Variants in GJA3 observed in about 807,000 individuals in gnomAD.
GJA3 encodes gap junction protein alpha 3.
For missense variants in GJA3, 571 were observed against 620.3 expected (o/e 0.92, Z 0.84); for synonymous variants, 297 against 292.6 (o/e 1.02, Z -0.15).
At chr13:20,152,311 T>G (rs1014412703) in intron 1 of GJA3, among the ~76,000 whole-genome samples, 1 of 222 alleles carries the variant, frequency 4.5e-3, no homozygotes, top group African/African-American at 0.036. Context: ...GTTAAGTCTC[T>G]GGAACGAGTC....
chr13:20,150,713 C>T (rs969756755), intron 1 of GJA3, among the ~76,000 whole-genome samples: 6 of 140,294 alleles, frequency 4.3e-5, no homozygotes, highest in African/African-American at 2.0e-4. Context: ...AGGGCGAAGG[C>T]CCCCTGAGGC....
chr13:20,147,935 C>T (rs1225470003), intron 1 of GJA3, among the ~76,000 whole-genome samples: 4 of 151,960 alleles, frequency 2.6e-5, no homozygotes, highest in Admixed American at 6.6e-5. Context: ...CCGTATCAGG[C>T]GCAGTGTTTG....
intron 1 of GJA3, among the ~76,000 whole-genome samples, chr13:20,150,707 C>T (rs1035495109): frequency 2.0e-5 from 3 of 151,016 alleles, no homozygotes; most frequent in African/African-American, 7.4e-5. Context: ...GGCTGGAGGG[C>T]GAAGGCCCCC....
In GJA3 at chr13:20,139,088, A is replaced by T. The variant is rs930594381; in HGVS notation, c.*2893T>A. 4 of 152,138 alleles carry T rather than the reference A, an allele frequency of 2.6e-5. No homozygotes were observed. The highest frequency in any genetic ancestry group is 7.2e-5 in the African/African-American group (3 of 41,462). 9.4% of individuals were successfully genotyped at this position (152,138 alleles called of 1,614,324 possible). ...ATTTATTCGTGTCAATTTTATTAAA[A>T]AATACAAGAATAACCATTAAAAGTT... On this transcript the variant is annotated 3_prime_UTR_variant, in exon 2 of 2. Coordinates refer to ENST00000241125, the MANE Select transcript of GJA3 (RefSeq NM_021954.4).
chr13:20,153,481 T>C (rs1958890852), intron 1 of GJA3, among the ~76,000 whole-genome samples: 1 of 152,130 alleles, frequency 6.6e-6, no homozygotes, highest in Non-Finnish European at 1.5e-5. Context: ...ATGTCCTTTG[T>C]AGGGACATGG....
rs553361092 is a variant in GJA3 at position 20,144,054 on chromosome 13, G to A, written c.-17-749C>T. 2.0e-4 allele frequency among the ~76,000 whole-genome samples: 31 copies of A among 152,356 alleles called. No individual in the cohort carries two copies. In the South Asian group the frequency reaches 6.4e-3, roughly 32 times the overall value. On this transcript the variant is annotated intron_variant, in intron 1 of 1. Transcript: ENST00000241125. ...GCTCTCTTGTTACAAAGAGGAAGAT[G>A]AGGAGTATTGGAGAGGTGTTAAACA... is the stretch of plus-strand genomic sequence containing the variant.
chr13:20,152,285 C>G (rs1958882858), intron 1 of GJA3, among the ~76,000 whole-genome samples: 1 of 136,630 alleles, frequency 7.3e-6, no homozygotes, highest in South Asian at 2.6e-4. Flanking sequence ...CTGATCACCA[C>G]CAAGTGCAAG....
chr13:20,161,223 C>T (rs915184236), upstream of GJA3, among the ~76,000 whole-genome samples: 1 of 152,168 alleles, frequency 6.6e-6, no homozygotes, highest in Non-Finnish European at 1.5e-5. Flanking sequence ...CACCCTACCC[C>T]GCGCGCACGT....
At chr13:20,149,172 G>A (rs1367214164) in intron 1 of GJA3, among the ~76,000 whole-genome samples, 1 of 151,552 alleles carries the variant, frequency 6.6e-6, no homozygotes, top group Non-Finnish European at 1.5e-5. Context: ...TCAATTCTGG[G>A]CCACAGGTTT....
chr13:20,150,716 C>T (rs1958871952), intron 1 of GJA3, among the ~76,000 whole-genome samples: 1 of 140,296 alleles, frequency 7.1e-6, no homozygotes, highest in South Asian at 2.1e-4. Flanking sequence ...GCGAAGGCCC[C>T]CTGAGGCCCC....
Position 20,140,824 on chromosome 13 carries a change from T to C in GJA3, c.*1157A>G, listed in dbSNP as rs1958802864. On this transcript the variant is annotated 3_prime_UTR_variant, in exon 2 of 2. Transcript: ENST00000241125. ...AATGATTAGGAAGCTTGAAGTGTTT[T>C]ATTCTGTACTTTTTAAAAGTGTAGA... is the stretch of plus-strand genomic sequence containing the variant. 6.6e-6 allele frequency: 1 copy of C among 152,280 alleles called. No individual in the cohort carries two copies. Among genetic ancestry groups the C allele is most frequent in the Non-Finnish European group, 1.5e-5 (1 of 68,048 alleles). 9.4% of individuals were successfully genotyped at this position (152,280 alleles called of 1,614,324 possible).
chr13:20,159,456 CAAAAAAAAAAAAAAAA>C (rs57613247), intron 1 of GJA3, among the ~76,000 whole-genome samples: 2 of 51,734 alleles, frequency 3.9e-5, no homozygotes, highest in Admixed American at 2.9e-4. Context: ...GACTCCATCT[CAAAAAAAAAAAAAAAA>C]AAAAAAAAAA....
intron 1 of GJA3, among the ~76,000 whole-genome samples, chr13:20,155,122 G>A (rs1336582820): frequency 6.6e-6 from 1 of 152,172 alleles, no homozygotes; most frequent in Non-Finnish European, 1.5e-5. Context: ...GACTCCCAAA[G>A]TGCTGGGATT....
In GJA3 at chr13:20,142,270, A is replaced by T; in HGVS notation, c.1019T>A (p.Leu340His). ...CGTGGACGCTGCCGGGTAAGCCTTGAGCGCCGGGGGCTGCCGCTCGGCCGC... is the reference window on the plus strand; with the variant it reads ...CGTGGACGCTGCCGGGTAAGCCTTGTGCGCCGGGGGCTGCCGCTCGGCCGC... ...NQAAERQPPA[L>H]KAYPAASTPA... The change falls in exon 2 of 2, where the codon CTC becomes CAC. Residue 340 changes from leucine (L) to histidine (H), a missense_variant. By Grantham distance (99) the Leu-to-His change is moderately conservative (BLOSUM62 -3). Transcript: ENST00000241125. 1 of 1,562,016 alleles carries T rather than the reference A, an allele frequency of 6.4e-7. No individual in the cohort carries two copies.
At chr13:20,155,427 A>T (rs1958901969) in intron 1 of GJA3, among the ~76,000 whole-genome samples, 1 of 152,312 alleles carries the variant, frequency 6.6e-6, no homozygotes, top group Middle Eastern at 3.4e-3. Flanking sequence ...TGTTACTAAC[A>T]TACGTAGGTT....
At chr13:20,155,504 T>A (rs897706668) in intron 1 of GJA3, among the ~76,000 whole-genome samples, 1 of 152,132 alleles carries the variant, frequency 6.6e-6, no homozygotes, top group Non-Finnish European at 1.5e-5. Context: ...ATGTTTCAAA[T>A]TTGTTGGCAT....
At chr13:20,161,544 G>A (rs1958938503), upstream of GJA3, among the ~76,000 whole-genome samples, 2 of 152,158 alleles carry the variant, frequency 1.3e-5, no homozygotes, top group African/African-American at 4.8e-5. Context: ...CAGCCGCCTG[G>A]GGACGCGGGT....
chr13:20,160,611 G>A (rs773166445), intron 1 of GJA3, among the ~76,000 whole-genome samples: 3 of 152,260 alleles, frequency 2.0e-5, no homozygotes, highest in Non-Finnish European at 4.4e-5. Context: ...GAAGCCAAAC[G>A]AGGCGCTGCT....
intron 1 of GJA3, among the ~76,000 whole-genome samples, chr13:20,148,183 C>T (rs9509056): frequency 2.0e-5 from 3 of 151,830 alleles, no homozygotes; most frequent in East Asian, 3.9e-4. Context: ...CACCTCCCTT[C>T]GCCGTCAGAC....
Sources: allele counts gnomAD v4.1 joint callset (sites outside exome capture counted in the v4.1 genomes callset), GRCh38; gene constraint gnomAD v4.1.1; transcripts MANE v1.5; gene names NCBI Gene and HGNC (gene_info 2026-07-23, HGNC 2026-07-21).